DMRT3: variants seen among roughly 807,000 people sequenced by gnomAD.
The protein encoded by DMRT3 is doublesex- and mab-3-related transcription factor 3.
A neutral mutation model predicts 34.9 loss-of-function variants in DMRT3; 29 were observed. The ratio of observed to expected loss-of-function variants is 0.83; its 90% confidence interval spans 0.62 to 1.13. The LOEUF (loss-of-function observed/expected upper bound fraction) is 1.13, where lower values mean the gene tolerates loss of function less well. Among genes scored for constraint, DMRT3 ranks in the 50% most tolerant of loss-of-function variants. The pLI, the probability that DMRT3 is intolerant of heterozygous loss-of-function variation, is 0.00. For missense variants in DMRT3, 772 were observed against 629.1 expected, an observed-to-expected ratio of 1.23 and a Z score of -2.43; for synonymous variants, 350 against 286.0, an observed-to-expected ratio of 1.22 and a Z score of -2.26.
rs760828413 is a variant in DMRT3 at position 990,430 on chromosome 9, G to C, written c.844G>C (p.Val282Leu). The change falls in exon 2 of 2, where the codon GTG becomes CTG. Residue 282 changes from valine to leucine, a missense_variant. By Grantham distance (32) the Val-to-Leu change is conservative (BLOSUM62 1). Coordinates refer to ENST00000190165, the MANE Select transcript of DMRT3 (RefSeq NM_021240.4). ...CTGTGGCGGGGACCTGGTGAGCGCC[G>C]TGGAAGTCCTTCTGTCCAGCCGATC... is the stretch of plus-strand genomic sequence containing the variant. The part of the protein sequence containing the change: ...KGCGGDLVSA[V>L]EVLLSSRSSV... 1.6e-5 allele frequency: 26 copies of C among 1,614,050 alleles called. No individual in the cohort carries two copies. Among genetic ancestry groups the C allele is most frequent in the Middle Eastern group, 3.3e-4 (2 of 6,062 alleles).
intron 1 of DMRT3, among the ~76,000 whole-genome samples, chr9:977,690 G>A (rs1820169950): frequency 6.6e-6 from 1 of 152,232 alleles, no homozygotes; most frequent in Non-Finnish European, 1.5e-5. Flanking sequence ...GCAGCCAAAC[G>A]ACGGGACTGT....
intron 1 of DMRT3, among the ~76,000 whole-genome samples, chr9:986,556 C>G (rs1820287004): frequency 6.6e-6 from 1 of 152,038 alleles, no homozygotes; most frequent in Admixed American, 6.6e-5. Context: ...GGGGATGTAC[C>G]TTTTAAAACA....
In DMRT3 at chr9:984,708, C is replaced by T. The variant is rs1342390148; in HGVS notation, c.455-5333C>T. Among the ~76,000 whole-genome samples the T allele has an allele frequency of 3.3e-5, 5 of 152,240 alleles. No individual in the cohort carries two copies. The South Asian group carries it at 8.3e-4, about 25-fold the overall frequency. ...TCCTGACCTCGTGATCCACCTGCCT[C>T]GGCCTCCCAAAGTGCTGGGATTACA... On this transcript the variant is annotated intron_variant, in intron 1 of 1. Coordinates refer to ENST00000190165, the MANE Select transcript of DMRT3 (RefSeq NM_021240.4).
At chr9:988,632 T>G (rs1178789408) in intron 1 of DMRT3, among the ~76,000 whole-genome samples, 1 of 152,132 alleles carries the variant, frequency 6.6e-6, no homozygotes, top group Non-Finnish European at 1.5e-5. Flanking sequence ...ATGACAAGTG[T>G]AGGAGAAGAT....
Position 989,582 on chromosome 9 carries a change from C to A in DMRT3, c.455-459C>A, listed in dbSNP as rs796264011. Among the ~76,000 whole-genome samples, 24 of 152,306 alleles carry A rather than the reference C, an allele frequency of 1.6e-4. 1 individual carries two copies. Among genetic ancestry groups the A allele is most frequent in the African/African-American group, 3.4e-4 (14 of 41,562 alleles). On this transcript the variant is annotated intron_variant, in intron 1 of 1. Coordinates refer to ENST00000190165, the MANE Select transcript of DMRT3 (RefSeq NM_021240.4). ...AATAGATTTCAGATATTAAAATTCC[C>A]TGTGGGTATCTGGATGGTACTATCC...
At chr9:989,530 A>C (rs1820326230) in intron 1 of DMRT3, among the ~76,000 whole-genome samples, 1 of 152,240 alleles carries the variant, frequency 6.6e-6, no homozygotes, top group South Asian at 2.1e-4. Flanking sequence ...CATAAGACAT[A>C]TTTAACACAA....
chr9:991,023 G>A lies in DMRT3; in HGVS notation c.*18G>A. 1 of 1,586,854 alleles carries A rather than the reference G, an allele frequency of 6.3e-7. No individual in the cohort carries two copies. The highest frequency in any genetic ancestry group is 8.6e-7 in the Non-Finnish European group (1 of 1,162,654). On this transcript the variant is annotated 3_prime_UTR_variant, in exon 2 of 2. Transcript: ENST00000190165. ...CATCTTAAAGTGGTGCTGGATGGGT[G>A]GTGGCCAGGTGACATTTTCTGTGCG...
At position 990,593 on chromosome 9, in the gene DMRT3, T is replaced by C; in HGVS notation, c.1007T>C (p.Val336Ala). Residue 336 changes from valine to alanine, a missense_variant, in exon 2 of 2, where the codon GTC becomes GCC. Coordinates refer to ENST00000190165, the MANE Select transcript of DMRT3 (RefSeq NM_021240.4). ...SKWSVGSAFR[V>A]PDTLRFSADS... ...TGGTCTGTGGGATCAGCCTTTCGAG[T>C]CCCAGACACGTTGAGGTTTTCTGCC... 5.0e-6 allele frequency: 8 copies of C among 1,614,000 alleles called. No homozygotes were observed. Among genetic ancestry groups the C allele is most frequent in the Non-Finnish European group, 5.1e-6 (6 of 1,179,990 alleles).
At chr9:986,965 T>G (rs1820292554) in intron 1 of DMRT3, among the ~76,000 whole-genome samples, 1 of 152,110 alleles carries the variant, frequency 6.6e-6, no homozygotes, top group African/African-American at 2.4e-5. Context: ...AAGGACTAGT[T>G]GTTTCTCTTG....
Position 990,396 on chromosome 9 carries a change from C to G in DMRT3, c.810C>G (p.Ile270Met). The stretch of plus-strand genomic sequence containing the variant: ...AGAAGCCAACGGTGCTTGAGCTCAT[C>G]CTCAAGGGCTGTGGCGGGGACCTGG... ...PNQKPTVLEL[I>M]LKGCGGDLVS... Residue 270 changes from isoleucine to methionine, a missense_variant, in exon 2 of 2, where the codon ATC (isoleucine) becomes ATG (methionine). Ile to Met is a conservative substitution (Grantham distance 10). Coordinates refer to ENST00000190165, the MANE Select transcript of DMRT3 (RefSeq NM_021240.4). The G allele has an allele frequency of 6.2e-7, 1 of 1,614,090 alleles. No individual in the cohort carries two copies. The highest frequency in any genetic ancestry group is 8.5e-7 in the Non-Finnish European group (1 of 1,180,022).
chr9:991,093 C>A lies in DMRT3; in HGVS notation c.*88C>A. ...GAGGAGAGGCCACATCTTGTGTATG[C>A]CCTTTCCTTCTGTTTGACAAAGTGA... On this transcript the variant is annotated 3_prime_UTR_variant, in exon 2 of 2. Transcript: ENST00000190165. The A allele has an allele frequency of 1.4e-6, 2 of 1,469,956 alleles. No individual in the cohort carries two copies. The highest frequency in any genetic ancestry group is 9.1e-7 in the Non-Finnish European group (1 of 1,095,066). The allele number at this position is 1,469,956 out of a possible 1,614,324, so 91.1% of individuals were successfully genotyped here.
At chr9:983,982 T>G (rs969758458) in intron 1 of DMRT3, among the ~76,000 whole-genome samples, 4 of 152,172 alleles carry the variant, frequency 2.6e-5, no homozygotes, top group African/African-American at 4.8e-5. Context: ...AGGAAAGTTT[T>G]TAGATCGAGA....
chr9:982,427 C>T (rs111279143), intron 1 of DMRT3, among the ~76,000 whole-genome samples: 4 of 152,224 alleles, frequency 2.6e-5, no homozygotes, highest in Admixed American at 6.5e-5. Context: ...GCCGTGCTCT[C>T]GACTTACACA....
chr9:985,320 GAT>G (rs1334021909), intron 1 of DMRT3, among the ~76,000 whole-genome samples: 3 of 152,158 alleles, frequency 2.0e-5, no homozygotes, highest in African/African-American at 7.2e-5. Context: ...ATTATCAGTT[GAT>G]ATACACTCTT....
At position 977,076 on chromosome 9, in the gene DMRT3, C is replaced by G; in HGVS notation, c.75C>G (p.Arg25=). 6.3e-7 allele frequency: 1 copy of G among 1,592,082 alleles called. No homozygotes were observed. The highest frequency in any genetic ancestry group is 8.5e-7 in the Non-Finnish European group (1 of 1,170,376). ...AGCCGCCACGGGCGCCCCTGCAGCG[C>G]ACGCCCAAGTGCGCGCGCTGCCGCA... ...VSQPPRAPLQ[R]TPKCARCRNH... The change falls in exon 1 of 2, where the codon CGC becomes CGG. Residue 25 remains arginine, a synonymous_variant. Coordinates refer to ENST00000190165, the MANE Select transcript of DMRT3 (RefSeq NM_021240.4).
Position 977,473 on chromosome 9 carries a change from GC to G in DMRT3, c.454+19del, listed in dbSNP as rs1265461336. ...CAAGCCAGGTAAGAGCGTCTGAGGT[GC>G]GGGAGTTTGGCCGGGCGCGGGGGCA... On this transcript the variant is annotated intron_variant, in intron 1 of 1. Transcript: ENST00000190165. The G allele has an allele frequency of 1.5e-5, 19 of 1,277,820 alleles. No individual in the cohort carries two copies. Among genetic ancestry groups the G allele is most frequent in the Non-Finnish European group, 1.9e-5 (19 of 1,011,524 alleles). The allele number at this position is 1,277,820 out of a possible 1,614,324, so 79.2% of individuals were successfully genotyped here.
chr9:977,346 G>A lies in DMRT3; in HGVS notation c.345G>A (p.Pro115=). 1.6e-6 allele frequency: 2 copies of A among 1,245,732 alleles called. No individual in the cohort carries two copies. Among genetic ancestry groups the A allele is most frequent in the South Asian group, 3.5e-5 (1 of 28,402 alleles). The allele number at this position is 1,245,732 out of a possible 1,614,324, so 77.2% of individuals were successfully genotyped here. A position where few individuals can be genotyped will look rare whatever the true frequency, so the allele number is the denominator to read the frequency against. Residue 115 remains proline, a synonymous_variant, in exon 1 of 2, where the codon CCG becomes CCA. Coordinates refer to ENST00000190165, the MANE Select transcript of DMRT3 (RefSeq NM_021240.4). ...CGCAGCCGCCGCCAGCCTCTCAGCCGTCGCAGCCGCAGCCGCCGCGCCCTG... is the reference window on the plus strand; with the variant it reads ...CGCAGCCGCCGCCAGCCTCTCAGCCATCGCAGCCGCAGCCGCCGCGCCCTG... ...AAPQPPPASQ[P]SQPQPPRPAA...
chr9:988,859 A>G (rs1820315898), intron 1 of DMRT3, among the ~76,000 whole-genome samples: 1 of 152,242 alleles, frequency 6.6e-6, no homozygotes, highest in Non-Finnish European at 1.5e-5. Flanking sequence ...CGTGTTTCAA[A>G]AAAGGACAAA....
In DMRT3 at chr9:977,055, GCCACGGGCGCCCCTGCAGCGCACGC is replaced by G. The variant is rs1373402370; in HGVS notation, c.58_82del (p.Arg20SerfsTer126). ...ACATGGGCGGCCCGGTGTCGCAGCC[GCCACGGGCGCCCCTGCAGCGCACGC>G]CCAAGTGCGCGCGCTGCCGCAACCA... On this transcript the variant is annotated frameshift_variant, in exon 1 of 2. Transcript: ENST00000190165. LOFTEE classifies it high-confidence loss of function. 1 of 1,571,998 alleles carries G rather than the reference GCCACGGGCGCCCCTGCAGCGCACGC, an allele frequency of 6.4e-7. No homozygotes were observed. Among genetic ancestry groups the G allele is most frequent in the African/African-American group, 1.4e-5 (1 of 73,238 alleles).
Sources: gnomAD v4.1 joint callset for allele counts (sites outside exome capture counted in the v4.1 genomes callset) on GRCh38, gnomAD v4.1.1 for gene constraint, MANE v1.5 for transcripts, NCBI Gene and HGNC (gene_info 2026-07-23, HGNC 2026-07-21) for gene names.